NAA11: variants seen among roughly 807,000 people sequenced by gnomAD.
NAA11 encodes the protein N-alpha-acetyltransferase 11.
Under a neutral mutation model 16.1 loss-of-function variants are expected in NAA11, and 15 were observed. The ratio of observed to expected loss-of-function variants is 0.93; its 90% CI spans 0.62 to 1.44. The LOEUF (loss-of-function observed/expected upper bound fraction) is 1.44. Ranked by LOEUF, NAA11 falls within the 40% of genes most tolerant of loss-of-function variation. The pLI, the probability that NAA11 is intolerant of heterozygous loss-of-function variation, is 0.00. For missense variants in NAA11, 298 were observed against 291.3 expected (o/e 1.02, Z -0.17); for synonymous variants, 122 against 112.4 (o/e 1.09, Z -0.54).
At chr4:79,183,306 A>G in the NAA11 span, among the ~76,000 whole-genome samples, 1 of 152,318 alleles carries the variant, frequency 6.6e-6, no homozygotes, top group East Asian at 1.9e-4. Flanking sequence ...TCAAGGATCT[A>G]AAATGCAAGA....
the NAA11 span, among the ~76,000 whole-genome samples, chr4:79,178,312 G>A: frequency 3.6e-3 from 545 of 152,248 alleles, no homozygotes; most frequent in African/African-American, 0.012. Flanking sequence ...TAATAATTGC[G>A]TGCTCTGGGA....
chr4:79,207,718 A>G, the NAA11 span, among the ~76,000 whole-genome samples: 5 of 152,288 alleles, frequency 3.3e-5, no homozygotes, highest in Admixed American at 6.5e-5. Context: ...AAGGGTTATC[A>G]TTAGTGACCA....
At chr4:79,183,357 GT>G in the NAA11 span, among the ~76,000 whole-genome samples, 2 of 152,226 alleles carry the variant, frequency 1.3e-5, no homozygotes, top group Admixed American at 6.5e-5. Context: ...TAACTTTAAT[GT>G]TTTTTAAGTG....
chr4:79,191,574 G>C, the NAA11 span, among the ~76,000 whole-genome samples: 3 of 152,080 alleles, frequency 2.0e-5, no homozygotes, highest in Non-Finnish European at 4.4e-5. Context: ...TTAGATGCTG[G>C]ATATTAGACC....
chr4:79,212,234 T>C, the NAA11 span, among the ~76,000 whole-genome samples: 1 of 152,228 alleles, frequency 6.6e-6, no homozygotes, highest in East Asian at 1.9e-4. Context: ...ATAATTTTTA[T>C]TAGTCAAACA....
chr4:79,196,893 C>A, the NAA11 span, among the ~76,000 whole-genome samples: 1 of 126,196 alleles, frequency 7.9e-6, no homozygotes, highest in Non-Finnish European at 1.6e-5. Context: ...CCATCACTGG[C>A]TTTGAAGATA....
the NAA11 span, among the ~76,000 whole-genome samples, chr4:79,215,034 G>A: frequency 9.2e-5 from 14 of 152,072 alleles, no homozygotes; most frequent in African/African-American, 2.9e-4. Context: ...CTAAGAGAGT[G>A]TATTTATTTC....
the NAA11 span, among the ~76,000 whole-genome samples, chr4:79,219,998 G>A: frequency 6.6e-6 from 1 of 152,180 alleles, no homozygotes; most frequent in East Asian, 1.9e-4. Flanking sequence ...AGCTCACCTT[G>A]TACTTTCTTG....
the NAA11 span, among the ~76,000 whole-genome samples, chr4:79,162,365 T>G: frequency 6.6e-5 from 10 of 151,858 alleles, no homozygotes; most frequent in African/African-American, 2.4e-4. Context: ...AAACTGGGGG[T>G]CTTAGAATTG....
At chr4:79,187,773 G>A in the NAA11 span, among the ~76,000 whole-genome samples, 1 of 152,072 alleles carries the variant, frequency 6.6e-6, no homozygotes, top group Non-Finnish European at 1.5e-5. Flanking sequence ...GAGGCGGGCT[G>A]ATCACGAGGT....
chr4:79,277,808 G>A (rs1313940756), intron 2 of NAA11, among the ~76,000 whole-genome samples: 1 of 152,016 alleles, frequency 6.6e-6, no homozygotes, highest in Non-Finnish European at 1.5e-5. Flanking sequence ...ACAGCAGCAG[G>A]AGCCACATGC....
chr4:79,157,673 G>A, the NAA11 span, among the ~76,000 whole-genome samples: 6 of 151,114 alleles, frequency 4.0e-5, no homozygotes, highest in African/African-American at 9.8e-5. Context: ...GACATACCTC[G>A]AGCTAATAAA....
chr4:79,160,858 AT>A, the NAA11 span, among the ~76,000 whole-genome samples: 1 of 152,022 alleles, frequency 6.6e-6, no homozygotes, highest in Non-Finnish European at 1.5e-5. Context: ...TTTATATATT[AT>A]TTACATGAAA....
chr4:79,156,149 ATGTATATTTGTAGTAAAACCCACATC>A, the NAA11 span, among the ~76,000 whole-genome samples: 1 of 152,184 alleles, frequency 6.6e-6, no homozygotes, highest in Non-Finnish European at 1.5e-5. Flanking sequence ...AGACCTACAT[ATGTATATTTGTAGTAAAACCCACATC>A]TGTATATTTG....
chr4:79,270,002 T>C (rs1336011535), intron 2 of NAA11, among the ~76,000 whole-genome samples: 1 of 151,846 alleles, frequency 6.6e-6, no homozygotes, highest in Non-Finnish European at 1.5e-5. Flanking sequence ...TTGTCAAAGA[T>C]CAGACAGTTG....
At position 79,283,717 on chromosome 4, in the gene NAA11, T is replaced by C. The variant is rs374021323; in HGVS notation, c.*122+10288A>G. Among the ~76,000 whole-genome samples, 9 of 152,232 alleles carry C rather than the reference T, an allele frequency of 5.9e-5. No homozygotes were observed. The South Asian group carries it at 1.9e-3, about 32-fold the overall frequency. On this transcript the variant is annotated intron_variant and NMD_transcript_variant, in intron 2 of 2. Coordinates refer to the NAA11 transcript ENST00000511542. ...GTCACTGTATGTCTGTGATAAAATGTGGTCTCAAAATCTATGCATATCATT... is the reference window on the plus strand; with the variant it reads ...GTCACTGTATGTCTGTGATAAAATGCGGTCTCAAAATCTATGCATATCATT...
At chr4:79,318,551 G>C (rs1723998273) in intron 1 of NAA11, among the ~76,000 whole-genome samples, 1 of 152,168 alleles carries the variant, frequency 6.6e-6, no homozygotes, top group African/African-American at 2.4e-5. Flanking sequence ...GCACAGAGCA[G>C]TTAAAAAGCA....
the NAA11 span, among the ~76,000 whole-genome samples, chr4:79,205,990 CCATG>C: frequency 6.6e-6 from 1 of 151,948 alleles, no homozygotes; most frequent in African/African-American, 2.4e-5. Flanking sequence ...TATAACAGTA[CCATG>C]CTGTTTTGGT....
chr4:79,203,505 A>G, the NAA11 span, among the ~76,000 whole-genome samples: 1 of 151,830 alleles, frequency 6.6e-6, no homozygotes, highest in Non-Finnish European at 1.5e-5. Context: ...GAGGAAAGAA[A>G]GAAACAAAAT....
Sources: allele counts gnomAD v4.1 joint callset (sites outside exome capture counted in the v4.1 genomes callset), GRCh38; gene constraint gnomAD v4.1.1; transcripts MANE v1.5; gene names NCBI Gene and HGNC (gene_info 2026-07-23, HGNC 2026-07-21).